The following NCKAP1L variants were observed in gnomAD, a reference collection of about 807,000 sequenced individuals.
NCKAP1L encodes nck-associated protein 1-like.
Under a neutral mutation model 139.2 loss-of-function variants are expected in NCKAP1L, and 53 were observed. The observed-to-expected ratio is 0.38, with a 90% CI of 0.31 to 0.48. The LOEUF (loss-of-function observed/expected upper bound fraction) is 0.48. Ranked by LOEUF, NCKAP1L falls within the 20% of genes least tolerant of loss-of-function variation. The pLI is 0.98. For missense variants in NCKAP1L, 1,151 were observed against 1,381.9 expected (o/e 0.83, Z 2.65); for synonymous variants, 468 against 499.7 (o/e 0.94, Z 0.85).
chr12:54,510,092 G>A, intron 7 of NCKAP1L, 107 bp downstream of exon 7: 1 of 1,401,816 alleles, frequency 7.1e-7, no homozygotes, highest in Non-Finnish European at 9.7e-7. Flanking sequence ...GAATGCTTTA[G>A]TCTTCTTCTA....
At position 54,511,899 on chromosome 12, in the gene NCKAP1L, T is replaced by C. The variant is rs567382778; in HGVS notation, c.784+48T>C. On this transcript the variant is annotated intron_variant, in intron 8 of 30. Transcript: ENST00000293373. ...GGAGTGGATGAAGCAGTATGTTATA[T>C]GAAGAACAAGTTCTAAAAGTCTTCC... The C allele has an allele frequency of 4.3e-6, 7 of 1,614,122 alleles. No homozygotes were observed. The African/African-American group carries it at 5.3e-5, about 12-fold the overall frequency.
chr12:54,508,311 C>T (rs1319191211), intron 4 of NCKAP1L, 78 bp from the exon 5 acceptor site: 2 of 1,381,986 alleles, frequency 1.4e-6, no homozygotes, highest in East Asian at 4.6e-5. Context: ...TGAGCACTGT[C>T]CAGAGTGGTT....
Position 54,543,971 on chromosome 12 carries a change from T to G in NCKAP1L, c.*1286T>G, listed in dbSNP as rs1185707039. 2 of 152,238 alleles carry G rather than the reference T, an allele frequency of 1.3e-5. No individual in the cohort carries two copies. Among genetic ancestry groups the G allele is most frequent in the African/African-American group, 4.8e-5 (2 of 41,456 alleles). The allele number at this position is 152,238 out of a possible 1,614,324, so 9.4% of individuals were successfully genotyped here. Reference sequence around the variant, plus strand: ...GTTGTCGGTTTTCAGCAAAAACGATTCAGCCTTCCTGAAGCCTATTTGATA... The same window carrying G: ...GTTGTCGGTTTTCAGCAAAAACGATGCAGCCTTCCTGAAGCCTATTTGATA... On this transcript the variant is annotated 3_prime_UTR_variant, in exon 31 of 31. Transcript: ENST00000293373.
rs1159187624 is a variant in NCKAP1L, at chr12:54,543,206, T to A, written c.*521T>A. Reference sequence around the variant, plus strand: ...CAGCAAACATTCAACCTGCTCCTACTGCAGAGTAGCAGCAAAGGAGCCCCT... The same window carrying A: ...CAGCAAACATTCAACCTGCTCCTACAGCAGAGTAGCAGCAAAGGAGCCCCT... On this transcript the variant is annotated 3_prime_UTR_variant, in exon 31 of 31. Transcript: ENST00000293373. 6.6e-6 allele frequency: 1 copy of A among 152,356 alleles called. No individual in the cohort carries two copies. The highest frequency in any genetic ancestry group is 1.5e-5 in the Non-Finnish European group (1 of 68,154). The allele number at this position is 152,356 out of a possible 1,614,324, so 9.4% of individuals were successfully genotyped here.
In NCKAP1L at chr12:54,518,718, T is replaced by C; in HGVS notation, c.1406T>C (p.Leu469Pro). Reference protein sequence around the residue: ...MSSFVSILSSLNLKQVDNGEK... With the variant: ...MSSFVSILSSPNLKQVDNGEK... ...TCATTCGTCAGTATCCTCTCCTCTC[T>C]GAATCTCAAACAAGGTAACTGGAGG... Residue 469 changes from leucine (L) to proline (P), a missense_variant, in exon 14 of 31, where the codon CTG becomes CCG. By Grantham distance (98) the Leu-to-Pro change is moderately conservative (BLOSUM62 -3). Coordinates refer to ENST00000293373, the MANE Select transcript of NCKAP1L (RefSeq NM_005337.5). 6.2e-7 allele frequency: 1 copy of C among 1,613,462 alleles called. No individual in the cohort carries two copies. Among genetic ancestry groups the C allele is most frequent in the Non-Finnish European group, 8.5e-7 (1 of 1,179,386 alleles).
intron 1 of NCKAP1L, among the ~76,000 whole-genome samples, chr12:54,498,358 T>A (rs943889186): frequency 1.3e-5 from 2 of 151,700 alleles, no homozygotes; most frequent in Admixed American, 1.3e-4. Context: ...AAAGGGTAGG[T>A]GTCTTCTGAG....
chr12:54,531,234 C>T, intron 22 of NCKAP1L, 26 bp from the exon 23 acceptor site: 8 of 1,583,000 alleles, frequency 5.1e-6, no homozygotes, highest in Non-Finnish European at 6.9e-6. Flanking sequence ...TGAGTCCCAT[C>T]TGGGGCCTCT....
chr12:54,528,184 A>G, intron 21 of NCKAP1L, 63 bp from the exon 22 acceptor site: 5 of 1,577,580 alleles, frequency 3.2e-6, no homozygotes, highest in Non-Finnish European at 4.3e-6. Flanking sequence ...TGGTAGTAGT[A>G]GGGAATGCTG....
Position 54,517,714 on chromosome 12 carries a change from G to A in NCKAP1L, c.1205+72G>A. On this transcript the variant is annotated intron_variant, in intron 12 of 30. Coordinates refer to ENST00000293373, the MANE Select transcript of NCKAP1L (RefSeq NM_005337.5). Reference sequence around the variant, plus strand: ...GACAGGGAGGCATCAGATGACCTTAGGAGGTCTCAATTTCTGCCCTGATAT... The same window carrying A: ...GACAGGGAGGCATCAGATGACCTTAAGAGGTCTCAATTTCTGCCCTGATAT... 3.8e-6 allele frequency: 6 copies of A among 1,586,038 alleles called. No individual in the cohort carries two copies. The South Asian group carries it at 5.5e-5, about 15-fold the overall frequency.
chr12:54,506,796 A>AAAAAAAAAAAAAAATATATATATAT, intron 3 of NCKAP1L, among the ~76,000 whole-genome samples: 1 of 50,604 alleles, frequency 2.0e-5, no homozygotes, highest in Non-Finnish European at 3.0e-5. Flanking sequence ...AAAAAAAAAA[A>AAAAAAAAAAAAAAATATATATATAT]ATATATATAT....
chr12:54,542,254 C>T (rs546252149), intron 30 of NCKAP1L, among the ~76,000 whole-genome samples: 1 of 152,128 alleles, frequency 6.6e-6, no homozygotes, highest in Non-Finnish European at 1.5e-5. Flanking sequence ...CTGTGTGCTG[C>T]CCACCCACAT....
intron 20 of NCKAP1L, among the ~76,000 whole-genome samples, chr12:54,524,283 C>T (rs1957009588): frequency 6.6e-6 from 1 of 152,164 alleles, no homozygotes; most frequent in African/African-American, 2.4e-5. Flanking sequence ...TGGAGCAGAT[C>T]GTCCAACTTA....
At chr12:54,518,766 T>TG in intron 14 of NCKAP1L, 34 bp downstream of exon 14, 3 of 1,570,020 alleles carry the variant, frequency 1.9e-6, no homozygotes, top group Non-Finnish European at 2.6e-6. Flanking sequence ...GCAGGACATA[T>TG]GTGAGGATGA....
In NCKAP1L at chr12:54,536,167, C is replaced by T. The variant is rs771722174; in HGVS notation, c.2995C>T (p.Leu999=). 2.5e-6 allele frequency: 4 copies of T among 1,613,534 alleles called. No homozygotes were observed. In the South Asian group the frequency reaches 3.3e-5, roughly 13 times the overall value. The part of the protein sequence containing the change: ...SPEEEYKVAC[L]LLIFLAVSLP... ...TGAGGAGGAATATAAGGTGGCCTGC[C>T]TGCTCTTGATCTTTCTGGCAGTTTC... The change falls in exon 28 of 31, where the codon CTG becomes TTG. Residue 999 remains leucine (L), a synonymous_variant. Transcript: ENST00000293373.
chr12:54,536,435 T>C, intron 28 of NCKAP1L, 190 bp downstream of exon 28: 5 of 488,284 alleles, frequency 1.0e-5, no homozygotes, highest in Non-Finnish European at 1.5e-5. Context: ...CAAGGTGAGG[T>C]GGGTAGATCA....
rs556426516 is a variant in NCKAP1L at position 54,545,185 on chromosome 12, G to A, written c.*2500G>A. 2 of 152,126 alleles carry A rather than the reference G, an allele frequency of 1.3e-5. No homozygotes were observed. The highest frequency in any genetic ancestry group is 4.2e-4 in the South Asian group (2 of 4,812). The allele number at this position is 152,126 out of a possible 1,614,324, so 9.4% of individuals were successfully genotyped here. Reference sequence around the variant, plus strand: ...ATTTTGTCATTTGATATATCTTTTTGTAAACATATAATTATACACACATAT... The same window carrying A: ...ATTTTGTCATTTGATATATCTTTTTATAAACATATAATTATACACACATAT... On this transcript the variant is annotated 3_prime_UTR_variant, in exon 31 of 31. Transcript: ENST00000293373.
Position 54,531,836 on chromosome 12 carries a change from G to A in NCKAP1L, c.2781+11G>A. 2 of 1,603,952 alleles carry A rather than the reference G, an allele frequency of 1.2e-6. No individual in the cohort carries two copies. Among genetic ancestry groups the A allele is most frequent in the Non-Finnish European group, 1.7e-6 (2 of 1,171,090 alleles). On this transcript the variant is annotated intron_variant, in intron 25 of 30. Transcript: ENST00000293373. ...GAGGGACTTCGGGAGGTGAGTTGGTGGGGAGGGGTCTGTCACAGAGTCACA... is the reference window on the plus strand; with the variant it reads ...GAGGGACTTCGGGAGGTGAGTTGGTAGGGAGGGGTCTGTCACAGAGTCACA...
intron 3 of NCKAP1L, among the ~76,000 whole-genome samples, chr12:54,503,897 T>A (rs1179229091): frequency 6.6e-6 from 1 of 152,110 alleles, no homozygotes; most frequent in Admixed American, 6.6e-5. Flanking sequence ...TGCCTCGGCC[T>A]CCCAAAGTGC....
At chr12:54,505,580 T>C (rs1233323158) in intron 3 of NCKAP1L, among the ~76,000 whole-genome samples, 3 of 152,142 alleles carry the variant, frequency 2.0e-5, no homozygotes, top group African/African-American at 7.2e-5. Flanking sequence ...ATGTATTCTT[T>C]TGTGTCTGGC....
Sources: allele counts gnomAD v4.1 joint callset (sites outside exome capture counted in the v4.1 genomes callset), GRCh38; gene constraint gnomAD v4.1.1; transcripts MANE v1.5; gene names NCBI Gene and HGNC (gene_info 2026-07-23, HGNC 2026-07-21).